Variants in LRRC69 observed in about 807,000 individuals in gnomAD.
The protein encoded by LRRC69 is leucine-rich repeat-containing protein 69.
Under a neutral mutation model 37.8 loss-of-function variants are expected in LRRC69, and 42 were observed. The observed-to-expected ratio is 1.11, with a 90% CI of 0.87 to 1.44. LRRC69 has a LOEUF of 1.44. Ranked by LOEUF, LRRC69 falls within the 40% of genes most tolerant of loss-of-function variation. LRRC69 has a pLI of 0.00. For missense variants in LRRC69, 357 were observed against 401.9 expected (o/e 0.89, Z 0.96); for synonymous variants, 141 against 143.1 (o/e 0.99, Z 0.11).
intron 7 of LRRC69, among the ~76,000 whole-genome samples, chr8:91,212,752 A>C (rs1468529615): frequency 6.6e-6 from 1 of 152,206 alleles, no homozygotes; most frequent in African/African-American, 2.4e-5. Flanking sequence ...TTTAATGTAC[A>C]TTAGGTACTA....
chr8:91,117,340 A>T (rs1813528372), intron 1 of LRRC69, among the ~76,000 whole-genome samples: 1 of 152,004 alleles, frequency 6.6e-6, no homozygotes, highest in South Asian at 2.1e-4. Flanking sequence ...TGAAAAAGGT[A>T]CATCTAAAAG....
chr8:91,174,055 C>CTTTTTTTTTTTTTTTTT (rs1386082716), intron 5 of LRRC69, among the ~76,000 whole-genome samples: 5 of 151,102 alleles, frequency 3.3e-5, no homozygotes, highest in Admixed American at 6.6e-5. Context: ...CCTTATTTTT[C>CTTTTTTTTTTTTTTTTT]TACAATGCCT....
chr8:91,219,222 A>G, downstream of LRRC69: 2 of 340,250 alleles, frequency 5.9e-6, no homozygotes, highest in East Asian at 8.7e-5. Context: ...AAAGTACAAA[A>G]AAAAATTGAA....
intron 5 of LRRC69, among the ~76,000 whole-genome samples, chr8:91,181,871 C>T (rs943684834): frequency 2.6e-5 from 4 of 152,082 alleles, no homozygotes; most frequent in South Asian, 2.1e-4. Context: ...AAGCAGAGTA[C>T]AGACTTTAAA....
At chr8:91,176,247 G>A (rs1809228001) in intron 5 of LRRC69, among the ~76,000 whole-genome samples, 1 of 151,084 alleles carries the variant, frequency 6.6e-6, no homozygotes, top group Admixed American at 6.6e-5. Context: ...CGATTCCCCT[G>A]CCTCAGCCTC....
At chr8:91,112,495 A>G (rs1813425661) in intron 1 of LRRC69, among the ~76,000 whole-genome samples, 1 of 152,122 alleles carries the variant, frequency 6.6e-6, no homozygotes, top group African/African-American at 2.4e-5. Context: ...AACCCAGATC[A>G]TCACAATAGA....
At chr8:91,161,690 T>C (rs1209997891) in intron 5 of LRRC69, among the ~76,000 whole-genome samples, 1 of 151,252 alleles carries the variant, frequency 6.6e-6, no homozygotes, top group Non-Finnish European at 1.5e-5. Flanking sequence ...CTTTTTAGTC[T>C]AATGCCATGT....
intron 6 of LRRC69, among the ~76,000 whole-genome samples, chr8:91,199,973 T>C (rs1809685246): frequency 6.6e-6 from 1 of 152,208 alleles, no homozygotes. Flanking sequence ...TAGGTTTAAC[T>C]GAGATTAAAT....
chr8:91,144,469 T>A (rs892942277), intron 5 of LRRC69, among the ~76,000 whole-genome samples: 3 of 151,988 alleles, frequency 2.0e-5, no homozygotes, highest in African/African-American at 7.2e-5. Context: ...CCTTTGGTTT[T>A]CTGTTTATTT....
chr8:91,153,229 G>T (rs868840220), intron 5 of LRRC69, among the ~76,000 whole-genome samples: 1 of 151,372 alleles, frequency 6.6e-6, no homozygotes, highest in South Asian at 2.1e-4. Flanking sequence ...AGTTCTTAGA[G>T]AACTACAAGG....
chr8:91,127,601 CAAAAAAAAAAAAAAAAAAAA>C (rs554876868), intron 3 of LRRC69, among the ~76,000 whole-genome samples: 1 of 66,570 alleles, frequency 1.5e-5, no homozygotes, highest in Non-Finnish European at 2.7e-5. Flanking sequence ...TGTCATTAAC[CAAAAAAAAAAAAAAAAAAAA>C]AAAAAAAAAG....
In LRRC69 at chr8:91,157,950, G is replaced by A. The variant is rs950061764; in HGVS notation, c.651+22211G>A. ...CGGCAGTATACTGATTGCACGTTCCGTATTCCAGTGGAGAGAAAAGCTGAA... is the reference window on the plus strand; with the variant it reads ...CGGCAGTATACTGATTGCACGTTCCATATTCCAGTGGAGAGAAAAGCTGAA... On this transcript the variant is annotated intron_variant, in intron 5 of 7. Coordinates refer to ENST00000448384, the Ensembl canonical transcript of LRRC69. 107 of 1,438,058 alleles carry A rather than the reference G, an allele frequency of 7.4e-5. 3 individuals carry two copies. Among genetic ancestry groups the A allele is most frequent in the Middle Eastern group, 2.4e-4 (1 of 4,136 alleles). 89.1% of individuals were successfully genotyped at this position (1,438,058 alleles called of 1,614,324 possible).
In LRRC69 at chr8:91,145,903, A is replaced by G. The variant is rs1448563485; in HGVS notation, c.651+10164A>G. Among the ~76,000 whole-genome samples, 23 of 151,916 alleles carry G rather than the reference A, an allele frequency of 1.5e-4. 1 individual carries two copies. ...GGGTAGACTTTTTGAAATGAAAAGC[A>G]GAGAGAAAAAATTATGAAATATTAT... is the stretch of plus-strand genomic sequence containing the variant. On this transcript the variant is annotated intron_variant, in intron 5 of 7. Coordinates refer to ENST00000448384, the Ensembl canonical transcript of LRRC69.
chr8:91,133,817 A>T (rs1213507749), intron 4 of LRRC69, among the ~76,000 whole-genome samples: 1 of 151,824 alleles, frequency 6.6e-6, no homozygotes, highest in Non-Finnish European at 1.5e-5. Context: ...ATAATTTAGT[A>T]GAGACGGGGC....
chr8:91,110,406 A>G (rs1340301439), intron 1 of LRRC69, among the ~76,000 whole-genome samples: 1 of 152,032 alleles, frequency 6.6e-6, no homozygotes, highest in African/African-American at 2.4e-5. Context: ...TGGGAGGCTG[A>G]GGTGGTGGGG....
At position 91,170,461 on chromosome 8, in the gene LRRC69, A is replaced by G. The variant is rs1447054517; in HGVS notation, c.652-19061A>G. Among the ~76,000 whole-genome samples the G allele has an allele frequency of 5.3e-4, 69 of 130,616 alleles. 2 individuals are homozygous for G. Among genetic ancestry groups the G allele is most frequent in the Admixed American group, 5.2e-3 (69 of 13,320 alleles). 85.7% of individuals were successfully genotyped at this position (130,616 alleles called of 152,430 possible). Reference sequence around the variant, plus strand: ...CATCGCCAAGCCAATCCTAAGCCAAAAGAACAAAGCTGGAGGCATCACACT... The same window carrying G: ...CATCGCCAAGCCAATCCTAAGCCAAGAGAACAAAGCTGGAGGCATCACACT... On this transcript the variant is annotated intron_variant, in intron 5 of 7. Coordinates refer to ENST00000448384, the Ensembl canonical transcript of LRRC69.
chr8:91,139,132 C>T (rs891905177), intron 5 of LRRC69: 3 of 151,530 alleles, frequency 2.0e-5, no homozygotes, highest in Non-Finnish European at 4.4e-5. Context: ...TCTTTCCTTA[C>T]CTCTTTTTTC....
At chr8:91,157,527 T>G (rs1586253837) in intron 5 of LRRC69, 1 of 1,535,374 alleles carries the variant, frequency 6.5e-7, no homozygotes, top group African/African-American at 1.4e-5. Context: ...ATTTGTTTCC[T>G]ATAGTATTTA....
At chr8:91,218,943 T>C (rs1187317195) in exon 8 of LRRC69, 1 of 1,551,038 alleles carries the variant, frequency 6.4e-7, no homozygotes, top group Non-Finnish European at 8.7e-7. Flanking sequence ...TATTAATTTG[T>C]TCTTACAAAT....
Sources: allele counts gnomAD v4.1 joint callset (sites outside exome capture counted in the v4.1 genomes callset), GRCh38; gene constraint gnomAD v4.1.1; transcripts MANE v1.5; gene names NCBI Gene and HGNC (gene_info 2026-07-23, HGNC 2026-07-21).